Variants in BEND2 observed in about 807,000 individuals in gnomAD.
BEND2 encodes the protein BEN domain containing 2, also known as BEN domain-containing protein 2.
In BEND2, 19 loss-of-function variants were observed where a neutral mutation model predicts 43.8. The ratio of observed to expected loss-of-function variants is 0.43; its 90% CI spans 0.30 to 0.64. The LOEUF (loss-of-function observed/expected upper bound fraction) is 0.64. Among genes scored for constraint, BEND2 ranks in the 30% least tolerant of loss-of-function variants. The pLI is 0.11. For synonymous variants in BEND2, 226 were observed against 210.1 expected, an observed-to-expected ratio of 1.08 and a Z score of -0.66; for missense variants, 544 against 574.0, an observed-to-expected ratio of 0.95 and a Z score of 0.53.
At chrX:18,189,001 C>A (rs1438404378) in intron 8 of BEND2, among the ~76,000 whole-genome samples, 2 of 109,043 alleles carry the variant, frequency 1.8e-5, no homozygotes, top group Non-Finnish European at 3.8e-5. Flanking sequence ...GAGTTCGAGA[C>A]CAGCCTGGCC....
At chrX:18,215,783 T>C (rs1925656100) in intron 2 of BEND2, among the ~76,000 whole-genome samples, 1 of 112,050 alleles carries the variant, frequency 8.9e-6, no homozygotes, top group Non-Finnish European at 1.9e-5. Flanking sequence ...CAATAACATT[T>C]CCATGTTTTA....
At chrX:18,196,253 C>T (rs1043488391) in intron 6 of BEND2, among the ~76,000 whole-genome samples, 1 of 102,557 alleles carries the variant, frequency 9.8e-6, no homozygotes, top group Non-Finnish European at 2.0e-5. Context: ...AAGCCCAGAT[C>T]ACACCACTGC....
At chrX:18,218,057 C>T (rs1300404917) in intron 1 of BEND2, among the ~76,000 whole-genome samples, 26 of 109,582 alleles carry the variant, frequency 2.4e-4, no homozygotes, top group African/African-American at 8.3e-4. Flanking sequence ...GAGCCAGGAT[C>T]CCGCCACTGC....
rs1168858153 is a variant in BEND2 at position 18,220,786 on chromosome X, C to T, written c.-36G>A. On this transcript the variant is annotated 5_prime_UTR_variant, in exon 1 of 14. Coordinates refer to ENST00000380033, the MANE Select transcript of BEND2 (RefSeq NM_153346.5). The stretch of plus-strand genomic sequence containing the variant: ...CGGGGTCTGGCTCTGAGGCCCGAGA[C>T]CTGAGGCCCGAGACCTGAGGCCTAC... 1 of 1,191,420 alleles carries T rather than the reference C, an allele frequency of 8.4e-7. No homozygotes were observed. Among genetic ancestry groups the T allele is most frequent in the Non-Finnish European group, 1.1e-6 (1 of 882,782 alleles).
Position 18,209,448 on chromosome X carries a change from A to G in BEND2, c.492+3117T>C, listed in dbSNP as rs140155140. Among the ~76,000 whole-genome samples, 507 of 111,574 alleles carry G rather than the reference A, an allele frequency of 4.5e-3. 6 individuals are homozygous for G. Among genetic ancestry groups the G allele is most frequent in the African/African-American group, 0.015 (468 of 30,739 alleles). On this transcript the variant is annotated intron_variant, in intron 4 of 13. Coordinates refer to ENST00000380033, the MANE Select transcript of BEND2 (RefSeq NM_153346.5). Reference sequence around the variant, plus strand: ...GGCAATGGGGAAAAATAGTAACTTTACTGTGGAAAAATCTGGAAAACATCA... The same window carrying G: ...GGCAATGGGGAAAAATAGTAACTTTGCTGTGGAAAAATCTGGAAAACATCA...
intron 13 of BEND2, among the ~76,000 whole-genome samples, chrX:18,166,256 A>C (rs1347330650): frequency 8.9e-6 from 1 of 112,230 alleles, no homozygotes; most frequent in Non-Finnish European, 1.9e-5. Flanking sequence ...CAGCGCTTGC[A>C]TAGCTTTCAA....
intron 6 of BEND2, among the ~76,000 whole-genome samples, chrX:18,199,162 C>A (rs1186840779): frequency 9.2e-6 from 1 of 108,161 alleles, no homozygotes; most frequent in Non-Finnish European, 1.9e-5. Flanking sequence ...TGTAACTAAC[C>A]TGCACATTGT....
At position 18,190,766 on chromosome X, in the gene BEND2, T is replaced by TCACA. The variant is rs1300015009; in HGVS notation, c.1288+231_1288+234dup. Among the ~76,000 whole-genome samples the TCACA allele has an allele frequency of 4.5e-3, 423 of 93,002 alleles. 6 individuals carry two copies. The highest frequency in any genetic ancestry group is 0.016 in the African/African-American group (399 of 25,472). The allele number at this position is 93,002 out of a possible 115,157, so 80.8% of individuals were successfully genotyped here. On this transcript the variant is annotated intron_variant, in intron 8 of 13. Coordinates refer to ENST00000380033, the MANE Select transcript of BEND2 (RefSeq NM_153346.5). ...CTCTCTCTCTCTCTCTCTCTCTCTC[T>TCACA]CACACACACACACACACACACACAC...
At chrX:18,165,352 G>C in intron 13 of BEND2, 129 bp from the exon 14 acceptor site, 3 of 508,427 alleles carry the variant, frequency 5.9e-6, no homozygotes, top group Non-Finnish European at 9.8e-6. Flanking sequence ...ACACACATAG[G>C]CTATAATCAT....
chrX:18,183,988 G>A (rs1328300365), intron 8 of BEND2, among the ~76,000 whole-genome samples: 1 of 111,685 alleles, frequency 9.0e-6, no homozygotes, highest in Admixed American at 9.5e-5. Context: ...CCTACTGATT[G>A]TAGAGGCTGA....
At chrX:18,175,229 C>T (rs891912863) in intron 11 of BEND2, among the ~76,000 whole-genome samples, 15 of 111,713 alleles carry the variant, frequency 1.3e-4, no homozygotes, top group African/African-American at 4.2e-4. Context: ...GGGAAACATA[C>T]GCTCAGCTAC....
At chrX:18,170,822 A>G in intron 13 of BEND2, 179 bp downstream of exon 13, 2 of 562,153 alleles carry the variant, frequency 3.6e-6, no homozygotes, top group Non-Finnish European at 4.3e-6. Context: ...TAAGAACCCA[A>G]ATGCAGAGAG....
intron 1 of BEND2, among the ~76,000 whole-genome samples, chrX:18,218,544 TA>T (rs201203704): frequency 0.021 from 2,329 of 112,902 alleles, 59 homozygotes; most frequent in African/African-American, 0.072. Flanking sequence ...AATTAAATTT[TA>T]AAAGACATTT....
intron 2 of BEND2, among the ~76,000 whole-genome samples, chrX:18,214,471 T>G (rs1041175638): frequency 9.0e-6 from 1 of 110,803 alleles, no homozygotes; most frequent in African/African-American, 3.3e-5. Flanking sequence ...ACTTTGAAAT[T>G]TATTTAAGCT....
At chrX:18,216,474 G>T in intron 2 of BEND2, 47 bp downstream of exon 2, 2 of 1,078,043 alleles carry the variant, frequency 1.9e-6, no homozygotes, top group Non-Finnish European at 2.6e-6. Context: ...CTGGAAATGG[G>T]GACCAGAGAG....
chrX:18,209,596 A>T (rs980704930), intron 4 of BEND2, among the ~76,000 whole-genome samples: 1 of 112,300 alleles, frequency 8.9e-6, no homozygotes, highest in African/African-American at 3.2e-5. Flanking sequence ...AAAAATGCAT[A>T]ATCTCGATCT....
chrX:18,185,597 A>G (rs1229254437), intron 8 of BEND2, among the ~76,000 whole-genome samples: 2 of 107,797 alleles, frequency 1.9e-5, no homozygotes, highest in African/African-American at 6.7e-5. Context: ...TTCCAAACTT[A>G]GAGCAAGAAT....
At chrX:18,193,169 T>C (rs771418907) in intron 7 of BEND2, among the ~76,000 whole-genome samples, 1 of 109,529 alleles carries the variant, frequency 9.1e-6, no homozygotes, top group African/African-American at 3.3e-5. Context: ...AATACAAAAA[T>C]TAGCTCGGCG....
At chrX:18,191,848 C>T (rs1010002798) in intron 7 of BEND2, among the ~76,000 whole-genome samples, 2 of 111,962 alleles carry the variant, frequency 1.8e-5, no homozygotes, top group African/African-American at 3.2e-5. Context: ...GAAGGTATCA[C>T]GTCAACACCC....
Sources: allele counts gnomAD v4.1 joint callset (sites outside exome capture counted in the v4.1 genomes callset), GRCh38; gene constraint gnomAD v4.1.1; transcripts MANE v1.5; gene names NCBI Gene and HGNC (gene_info 2026-07-23, HGNC 2026-07-21).